Variants in HAUS8 observed in about 807,000 individuals in gnomAD.
The protein encoded by HAUS8 is HAUS augmin-like complex subunit 8.
HAUS8 carries 38 observed loss-of-function variants against 42.9 expected under a neutral mutation model. The ratio of observed to expected loss-of-function variants is 0.89; its 90% CI spans 0.68 to 1.16. The LOEUF (loss-of-function observed/expected upper bound fraction) is 1.16. HAUS8 is among the 50% of genes most tolerant of loss of function. The pLI is 0.00. For missense variants in HAUS8, 494 were observed against 511.6 expected, an observed-to-expected ratio of 0.97 and a Z score of 0.33; for synonymous variants, 199 against 205.8, an observed-to-expected ratio of 0.97 and a Z score of 0.28.
intron 3 of HAUS8, among the ~76,000 whole-genome samples, chr19:17,066,845 C>A (rs1195088512): frequency 6.6e-6 from 1 of 152,182 alleles, no homozygotes; most frequent in African/African-American, 2.4e-5. Context: ...CAACTGACTG[C>A]CTGTCAATCA....
intron 3 of HAUS8, among the ~76,000 whole-genome samples, chr19:17,065,175 G>C (rs1232502904): frequency 6.6e-6 from 1 of 152,204 alleles, no homozygotes; most frequent in Non-Finnish European, 1.5e-5. Flanking sequence ...TGGCTAGAAT[G>C]TGAAAGTAAC....
At chr19:17,062,647 A>T in intron 4 of HAUS8, 51 bp downstream of exon 4, 1 of 1,446,766 alleles carries the variant, frequency 6.9e-7, no homozygotes, top group Non-Finnish European at 9.7e-7. Context: ...CCATGGAGAC[A>T]AAATTTACTG....
rs371548079 is a variant in HAUS8 at position 17,059,610 on chromosome 19, T to A, written c.367A>T (p.Ile123Leu). 6.2e-7 allele frequency: 1 copy of A among 1,613,914 alleles called. No homozygotes were observed. Among genetic ancestry groups the A allele is most frequent in the African/African-American group, 1.3e-5 (1 of 74,922 alleles). Residue 123 changes from isoleucine to leucine, a missense_variant, in exon 6 of 11, where the codon ATA (isoleucine) becomes TTA (leucine). By Grantham distance (5) the Ile-to-Leu change is conservative (BLOSUM62 2). Coordinates refer to ENST00000253669, the MANE Select transcript of HAUS8 (RefSeq NM_033417.2). Reference protein sequence around the residue: ...VKKTPQLAKTISKKPESTSFS... With the variant: ...VKKTPQLAKTLSKKPESTSFS... Reference sequence around the variant, plus strand: ...GATGTTGACTCAGGTTTCTTTGATATTGTTTTTGCTAACTGTGGCGTCTTT... The same window carrying A: ...GATGTTGACTCAGGTTTCTTTGATAATGTTTTTGCTAACTGTGGCGTCTTT...
chr19:17,053,068 T>C, intron 9 of HAUS8, 102 bp from the exon 10 acceptor site: 2 of 1,414,758 alleles, frequency 1.4e-6, no homozygotes, highest in Non-Finnish European at 2.0e-6. Context: ...TGCTCGGCTA[T>C]CGCGCTGGAA....
chr19:17,071,880 G>T (rs1169292378), intron 2 of HAUS8, among the ~76,000 whole-genome samples: 2 of 152,026 alleles, frequency 1.3e-5, no homozygotes, highest in Admixed American at 1.3e-4. Flanking sequence ...CCAGCTACTT[G>T]GGAGGCTGAG....
chr19:17,057,086 A>G (rs1322026888), intron 8 of HAUS8, among the ~76,000 whole-genome samples: 1 of 152,106 alleles, frequency 6.6e-6, no homozygotes, highest in Non-Finnish European at 1.5e-5. Flanking sequence ...GCAGTGGCTC[A>G]CACCTATAAT....
In HAUS8 at chr19:17,058,548, C is replaced by T; in HGVS notation, c.645+1G>A. ...GTCACAGAGTGTCACTTACAACTGA[C>T]CTGGGCATCCAGGACATCTGCCAGC... is the stretch of plus-strand genomic sequence containing the variant. On this transcript the variant is annotated splice_donor_variant, in intron 8 of 10. Transcript: ENST00000253669. LOFTEE classifies it high-confidence loss of function. 14 of 1,592,990 alleles carry T rather than the reference C, an allele frequency of 8.8e-6. No individual in the cohort carries two copies. The highest frequency in any genetic ancestry group is 1.2e-5 in the Non-Finnish European group (14 of 1,171,766).
chr19:17,060,378 C>T (rs560834388), intron 4 of HAUS8: 50 of 323,026 alleles, frequency 1.5e-4, no homozygotes, highest in Non-Finnish European at 2.3e-4. Context: ...AGGTGGGATA[C>T]GATGCCATAT....
At chr19:17,073,433 G>A (rs952159186) in intron 1 of HAUS8, 98 bp from the exon 2 acceptor site, 1 of 1,086,084 alleles carries the variant, frequency 9.2e-7, no homozygotes, top group Admixed American at 1.7e-5. Context: ...AGACAGCCCA[G>A]TCCAAGGGCT....
In HAUS8 at chr19:17,055,339, C is replaced by CA. The variant is rs11315045; in HGVS notation, c.787+521dup. 6.0e-3 allele frequency among the ~76,000 whole-genome samples: 297 copies of CA among 49,372 alleles called. 3 individuals carry two copies. Among genetic ancestry groups the CA allele is most frequent in the African/African-American group, 0.013 (138 of 10,910 alleles). The allele number at this position is 49,372 out of a possible 152,430, so 32.4% of individuals were successfully genotyped here. A position where few individuals can be genotyped will look rare whatever the true frequency, so the allele number is the denominator to read the frequency against. On this transcript the variant is annotated intron_variant, in intron 9 of 10. Coordinates refer to ENST00000253669, the MANE Select transcript of HAUS8 (RefSeq NM_033417.2). ...TGGGCGACACAGCAAGATGCTGTCT[C>CA]AAAAAAAAAAAAAAAAAAAAAAAGA...
chr19:17,052,699 G>C, intron 10 of HAUS8, 126 bp downstream of exon 10: 1 of 927,056 alleles, frequency 1.1e-6, no homozygotes, highest in East Asian at 2.4e-5. Context: ...GAAAAGAGCA[G>C]CTCGCTCAGG....
intron 3 of HAUS8, among the ~76,000 whole-genome samples, chr19:17,065,459 G>A (rs974514758): frequency 6.6e-6 from 1 of 152,162 alleles, no homozygotes; most frequent in Non-Finnish European, 1.5e-5. Flanking sequence ...TGGGTTTAAA[G>A]CATGCCCTTT....
At chr19:17,072,725 G>T (rs774576436) in intron 2 of HAUS8, among the ~76,000 whole-genome samples, 2 of 151,686 alleles carry the variant, frequency 1.3e-5, no homozygotes, top group Non-Finnish European at 2.9e-5. Flanking sequence ...CTTGGCTCGT[G>T]GGGGAGGCCG....
intron 9 of HAUS8, among the ~76,000 whole-genome samples, chr19:17,055,513 T>C (rs1041086035): frequency 3.9e-5 from 6 of 152,036 alleles, no homozygotes; most frequent in Non-Finnish European, 5.9e-5. Flanking sequence ...GGGACCTCAC[T>C]GCTCTGCTGA....
intron 2 of HAUS8, among the ~76,000 whole-genome samples, chr19:17,070,656 C>T (rs1359993426): frequency 1.3e-5 from 2 of 152,342 alleles, no homozygotes; most frequent in Middle Eastern, 3.4e-3. Context: ...AGCCTCCTTA[C>T]GGTTCTCATG....
chr19:17,050,287 T>C, intron 10 of HAUS8, 111 bp from the exon 11 acceptor site: 1 of 674,344 alleles, frequency 1.5e-6, no homozygotes, highest in Non-Finnish European at 2.2e-6. Flanking sequence ...ATGCCCTACG[T>C]GCTCAGTGGG....
In HAUS8 at chr19:17,056,012, G is replaced by A; in HGVS notation, c.646-10C>T. ...GGCTGAGCATCTCGATCTGTAAGCA[G>A]AAGGGATAATCAGGGGAGACCCTGG... On this transcript the variant is annotated splice_polypyrimidine_tract_variant and intron_variant, in intron 8 of 10. Transcript: ENST00000253669. The A allele has an allele frequency of 6.2e-7, 1 of 1,613,924 alleles. No homozygotes were observed. The highest frequency in any genetic ancestry group is 8.5e-7 in the Non-Finnish European group (1 of 1,179,952).
intron 2 of HAUS8, among the ~76,000 whole-genome samples, chr19:17,071,358 T>G (rs1318013322): frequency 6.6e-6 from 1 of 152,184 alleles, no homozygotes; most frequent in Non-Finnish European, 1.5e-5. Flanking sequence ...AGGGTAGGAA[T>G]GCACCATGCC....
chr19:17,073,550 C>A, intron 1 of HAUS8: 1 of 586,238 alleles, frequency 1.7e-6, no homozygotes, highest in Non-Finnish European at 3.1e-6. Context: ...AACACCCAAA[C>A]TGAGAAGAGA....
Sources: allele counts gnomAD v4.1 joint callset (sites outside exome capture counted in the v4.1 genomes callset), GRCh38; gene constraint gnomAD v4.1.1; transcripts MANE v1.5; gene names NCBI Gene and HGNC (gene_info 2026-07-23, HGNC 2026-07-21).